The following KANSL3 variants were observed in gnomAD, a reference collection of about 807,000 sequenced individuals.
KANSL3 encodes NSL complex protein NSL3.
A neutral mutation model predicts 89.2 loss-of-function variants in KANSL3; 16 were observed. The observed-to-expected ratio is 0.18, with a 90% CI of 0.12 to 0.27. The LOEUF (loss-of-function observed/expected upper bound fraction) is 0.27, where lower values mean the gene tolerates loss of function less well. Among genes scored for constraint, KANSL3 ranks in the 10% least tolerant of loss-of-function variants. KANSL3 has a pLI of 1.00. For synonymous variants in KANSL3, 385 were observed against 419.7 expected (o/e 0.92, Z 1.01); for missense variants, 879 against 1,110.6 (o/e 0.79, Z 2.96).
intron 3 of KANSL3, among the ~76,000 whole-genome samples, chr2:96,623,355 A>T (rs1208116733): frequency 2.6e-5 from 4 of 152,080 alleles, no homozygotes; most frequent in Non-Finnish European, 5.9e-5. Flanking sequence ...AACAATCTCA[A>T]TTTCTCTGGC....
At chr2:96,588,660 G>A (rs554943632), downstream of KANSL3, among the ~76,000 whole-genome samples, 1 of 151,784 alleles carries the variant, frequency 6.6e-6, no homozygotes, top group Non-Finnish European at 1.5e-5. Context: ...GTGCAATCTC[G>A]GCTCACTGCA....
intron 16 of KANSL3, 53 bp downstream of exon 16, chr2:96,604,726 A>T: frequency 1.4e-6 from 2 of 1,467,964 alleles, no homozygotes; most frequent in Non-Finnish European, 1.9e-6. Context: ...ATAAACCAGA[A>T]ACAGAGGGAA....
At chr2:96,581,899 C>A in the KANSL3 span, among the ~76,000 whole-genome samples, 4 of 152,186 alleles carry the variant, frequency 2.6e-5, no homozygotes, top group Admixed American at 1.3e-4. Flanking sequence ...CTTGAACCTA[C>A]AAATTTTGTC....
At chr2:96,626,812 C>T (rs1382642351) in intron 3 of KANSL3, among the ~76,000 whole-genome samples, 1 of 152,178 alleles carries the variant, frequency 6.6e-6, no homozygotes, top group Non-Finnish European at 1.5e-5. Flanking sequence ...GACACAAGAA[C>T]ATGACCCAGG....
At chr2:96,583,009 AC>A in the KANSL3 span, among the ~76,000 whole-genome samples, 1 of 152,166 alleles carries the variant, frequency 6.6e-6, no homozygotes, top group Non-Finnish European at 1.5e-5. Flanking sequence ...GTATCCCCTC[AC>A]TTTCCAGCTG....
intron 3 of KANSL3, among the ~76,000 whole-genome samples, chr2:96,624,174 G>A (rs189147588): frequency 4.6e-5 from 7 of 152,196 alleles, no homozygotes; most frequent in African/African-American, 7.2e-5. Context: ...TGTTGAGACC[G>A]GAAGCTCCAG....
At chr2:96,589,643 T>A (rs570105132), downstream of KANSL3, among the ~76,000 whole-genome samples, 1 of 152,226 alleles carries the variant, frequency 6.6e-6, no homozygotes, top group South Asian at 2.1e-4. Flanking sequence ...CAGAACAACT[T>A]GACAGAAAAT....
intron 9 of KANSL3, among the ~76,000 whole-genome samples, chr2:96,612,063 G>A (rs747769459): frequency 6.6e-6 from 1 of 151,978 alleles, no homozygotes; most frequent in East Asian, 1.9e-4. Flanking sequence ...GTGAGGATCC[G>A]GGGGTTTATT....
rs773676358 is a variant in KANSL3 at position 96,612,578 on chromosome 2, T to G, written c.913-15A>C. ...ACAGGGATGACCTGAAGGAAAGAAGTAGCCCCCACACCAGCAGAGGTAAGT... is the reference window on the plus strand; with the variant it reads ...ACAGGGATGACCTGAAGGAAAGAAGGAGCCCCCACACCAGCAGAGGTAAGT... On this transcript the variant is annotated splice_polypyrimidine_tract_variant and intron_variant, in intron 7 of 20. Coordinates refer to ENST00000431828, the MANE Select transcript of KANSL3 (RefSeq NM_001115016.3). The G allele has an allele frequency of 7.0e-6, 11 of 1,581,992 alleles. No homozygotes were observed. Among genetic ancestry groups the G allele is most frequent in the Admixed American group, 6.7e-5 (4 of 59,742 alleles).
At chr2:96,630,824 T>C (rs2073255654) in intron 3 of KANSL3, among the ~76,000 whole-genome samples, 1 of 152,200 alleles carries the variant, frequency 6.6e-6, no homozygotes, top group Non-Finnish European at 1.5e-5. Flanking sequence ...GAAAATAGGC[T>C]TCAGTGTGCC....
At chr2:96,590,752 G>C (rs2066265388), downstream of KANSL3, among the ~76,000 whole-genome samples, 1 of 152,122 alleles carries the variant, frequency 6.6e-6, no homozygotes, top group Admixed American at 6.5e-5. Context: ...GGGAGGCCGA[G>C]GCAGGAGGAT....
chr2:96,611,264 G>A (rs370638876), intron 9 of KANSL3, 126 bp from the exon 10 acceptor site: 16 of 734,104 alleles, frequency 2.2e-5, no homozygotes, highest in East Asian at 5.1e-5. Flanking sequence ...CCTAATATCC[G>A]GGTGCATCTT....
chr2:96,613,405 C>T (rs183838826), intron 6 of KANSL3, 83 bp downstream of exon 6: 382 of 1,058,810 alleles, frequency 3.6e-4, no homozygotes, highest in Non-Finnish European at 5.0e-4. Context: ...GTTAAAGAAG[C>T]CATTTATCCT....
intron 19 of KANSL3, 48 bp downstream of exon 19, chr2:96,602,068 G>GA: frequency 6.6e-7 from 1 of 1,510,576 alleles, no homozygotes; most frequent in Non-Finnish European, 9.0e-7. Flanking sequence ...GGTCCTGGGG[G>GA]AAAGATCCCA....
intron 9 of KANSL3, among the ~76,000 whole-genome samples, chr2:96,611,641 T>A (rs2068971910): frequency 6.6e-6 from 1 of 152,120 alleles, no homozygotes; most frequent in African/African-American, 2.4e-5. Flanking sequence ...CTATCACACT[T>A]GATTGGACTG....
intron 3 of KANSL3, among the ~76,000 whole-genome samples, chr2:96,625,095 A>G (rs953838226): frequency 6.6e-6 from 1 of 152,108 alleles, no homozygotes; most frequent in Non-Finnish European, 1.5e-5. Context: ...CTGTAACCCC[A>G]GCTACTCGGG....
At chr2:96,607,731 A>T (rs184453811) in intron 14 of KANSL3, among the ~76,000 whole-genome samples, 120 of 152,354 alleles carry the variant, frequency 7.9e-4, no homozygotes, top group Middle Eastern at 6.8e-3. Flanking sequence ...AAACACAGGG[A>T]AAGTAAACAG....
chr2:96,626,363 G>T (rs2072313480), intron 3 of KANSL3, among the ~76,000 whole-genome samples: 1 of 151,110 alleles, frequency 6.6e-6, no homozygotes, highest in Admixed American at 6.6e-5. Flanking sequence ...AATAAAGAGG[G>T]TGGGGGAGGG....
At chr2:96,612,421 G>A (rs771254051) in intron 8 of KANSL3, 41 bp downstream of exon 8, 8 of 1,600,446 alleles carry the variant, frequency 5.0e-6, no homozygotes, top group Non-Finnish European at 6.0e-6. Flanking sequence ...ACCCCAGAAT[G>A]CTGGGTATGC....
Sources: gnomAD v4.1 joint callset for allele counts (sites outside exome capture counted in the v4.1 genomes callset) on GRCh38, gnomAD v4.1.1 for gene constraint, MANE v1.5 for transcripts, NCBI Gene and HGNC (gene_info 2026-07-23, HGNC 2026-07-21) for gene names.